The following ZBTB44 variants were observed in gnomAD, a reference collection of about 807,000 sequenced individuals.
The protein encoded by ZBTB44 is zinc finger and BTB domain containing 44.
ZBTB44 carries 15 observed loss-of-function variants against 54.0 expected under a neutral mutation model. That is an observed-to-expected ratio of 0.28 (90% CI 0.19 to 0.43). The LOEUF is 0.43. Ranked by LOEUF, ZBTB44 falls within the 20% of genes least tolerant of loss-of-function variation. ZBTB44 has a pLI of 1.00. For synonymous variants in ZBTB44, 230 were observed against 250.1 expected, an observed-to-expected ratio of 0.92 and a Z score of 0.76; for missense variants, 487 against 707.1, an observed-to-expected ratio of 0.69 and a Z score of 3.53.
intron 1 of ZBTB44, among the ~76,000 whole-genome samples, chr11:130,286,929 A>G (rs1419419999): frequency 6.6e-6 from 1 of 152,216 alleles, no homozygotes; most frequent in African/African-American, 2.4e-5. Flanking sequence ...ATTAACAGAT[A>G]AGCTATCATT....
chr11:130,278,483 T>TGA, intron 1 of ZBTB44, among the ~76,000 whole-genome samples: 1 of 152,328 alleles, frequency 6.6e-6, no homozygotes, highest in South Asian at 2.1e-4. Context: ...TGCCACTATT[T>TGA]GAGTGTTTTT....
chr11:130,281,897 G>A (rs1005782353), intron 1 of ZBTB44, among the ~76,000 whole-genome samples: 2 of 152,134 alleles, frequency 1.3e-5, no homozygotes, highest in East Asian at 1.9e-4. Context: ...GAGCCACCGC[G>A]CCCGGCCTAT....
At chr11:130,237,127 A>G (rs1409422378) in intron 4 of ZBTB44, 34 bp from the exon 5 acceptor site, 1 of 1,455,394 alleles carries the variant, frequency 6.9e-7, no homozygotes, top group South Asian at 1.5e-5. Flanking sequence ...ATCTAAAAAC[A>G]AAAATAAACT....
chr11:130,248,087 CATTAT>C (rs1412761992), intron 2 of ZBTB44, among the ~76,000 whole-genome samples: 2 of 152,126 alleles, frequency 1.3e-5, no homozygotes, highest in Non-Finnish European at 2.9e-5. Context: ...ATACACTAAA[CATTAT>C]ATTTTCTATC....
intron 1 of ZBTB44, among the ~76,000 whole-genome samples, chr11:130,274,848 T>C (rs534573473): frequency 2.0e-5 from 3 of 152,226 alleles, no homozygotes; most frequent in Non-Finnish European, 4.4e-5. Context: ...CTGGCTTTAT[T>C]GTCAGGGTAA....
At chr11:130,267,632 G>A (rs1170902774) in intron 1 of ZBTB44, among the ~76,000 whole-genome samples, 1 of 151,968 alleles carries the variant, frequency 6.6e-6, no homozygotes, top group Non-Finnish European at 1.5e-5. Flanking sequence ...GCCCAGGCTG[G>A]TCTCGAACTC....
At chr11:130,237,153 C>A (rs576936297) in intron 4 of ZBTB44, 60 bp from the exon 5 acceptor site, 1 of 1,380,890 alleles carries the variant, frequency 7.2e-7, no homozygotes, top group African/African-American at 1.5e-5. Context: ...GTCATAAACC[C>A]TACAAATTTC....
At chr11:130,243,234 A>T (rs1023327980) in intron 2 of ZBTB44, among the ~76,000 whole-genome samples, 9 of 149,876 alleles carry the variant, frequency 6.0e-5, no homozygotes, top group African/African-American at 2.2e-4. Flanking sequence ...TAAAAAACAC[A>T]TTTTTTTTTT....
chr11:130,276,122 A>C (rs1940052885), intron 1 of ZBTB44, among the ~76,000 whole-genome samples: 1 of 151,156 alleles, frequency 6.6e-6, no homozygotes, highest in South Asian at 2.1e-4. Context: ...GTGACTGGGG[A>C]AGCTGAGGCA....
chr11:130,276,890 C>T (rs577377951), intron 1 of ZBTB44, among the ~76,000 whole-genome samples: 1 of 152,072 alleles, frequency 6.6e-6, no homozygotes, highest in Non-Finnish European at 1.5e-5. Context: ...CCCTTTTATC[C>T]TTATAAAACG....
At chr11:130,271,457 C>A (rs1283405688) in intron 1 of ZBTB44, among the ~76,000 whole-genome samples, 1 of 152,126 alleles carries the variant, frequency 6.6e-6, no homozygotes, top group African/African-American at 2.4e-5. Flanking sequence ...CGGGGTATGT[C>A]AAAGCTCAAG....
chr11:130,253,958 GA>G (rs1355313535), intron 2 of ZBTB44, among the ~76,000 whole-genome samples: 1 of 152,170 alleles, frequency 6.6e-6, no homozygotes, highest in Admixed American at 6.5e-5. Flanking sequence ...ACAAAAACAA[GA>G]AATGGGGAAA....
chr11:130,311,326 A>G (rs1343318217), intron 1 of ZBTB44, among the ~76,000 whole-genome samples: 1 of 152,022 alleles, frequency 6.6e-6, no homozygotes, highest in Non-Finnish European at 1.5e-5. Context: ...CACCTGCTTC[A>G]GCCTCCTGAG....
chr11:130,297,630 T>C (rs143234955), intron 1 of ZBTB44, among the ~76,000 whole-genome samples: 90 of 152,296 alleles, frequency 5.9e-4, no homozygotes, highest in African/African-American at 2.1e-3. Context: ...GACATGCACA[T>C]AGGGAGGATG....
intron 2 of ZBTB44, among the ~76,000 whole-genome samples, chr11:130,249,999 C>T (rs1937868781): frequency 6.6e-6 from 1 of 152,220 alleles, no homozygotes; most frequent in Non-Finnish European, 1.5e-5. Context: ...CAGAGCCCAG[C>T]AAGCTAAGAA....
intron 1 of ZBTB44, among the ~76,000 whole-genome samples, chr11:130,292,832 T>G (rs924991251): frequency 6.6e-6 from 1 of 152,098 alleles, no homozygotes; most frequent in African/African-American, 2.4e-5. Flanking sequence ...CTAGTGAAAA[T>G]TACAACTCAC....
intron 1 of ZBTB44, among the ~76,000 whole-genome samples, chr11:130,311,480 A>G (rs1001001102): frequency 6.6e-6 from 1 of 152,146 alleles, no homozygotes; most frequent in Non-Finnish European, 1.5e-5. Context: ...ACGTCCTGGG[A>G]TTACAGGCAT....
chr11:130,297,616 G>A (rs544118986), intron 1 of ZBTB44, among the ~76,000 whole-genome samples: 4 of 152,180 alleles, frequency 2.6e-5, no homozygotes, highest in Non-Finnish European at 5.9e-5. Flanking sequence ...GACATTTGTA[G>A]ACAGACATGC....
chr11:130,302,089 T>C (rs1721660553), intron 1 of ZBTB44, among the ~76,000 whole-genome samples: 1 of 152,072 alleles, frequency 6.6e-6, no homozygotes, highest in South Asian at 2.1e-4. Flanking sequence ...CATTAGTTTA[T>C]AGTTAATACT....
Sources: gnomAD v4.1 joint callset for allele counts (sites outside exome capture counted in the v4.1 genomes callset) on GRCh38, gnomAD v4.1.1 for gene constraint, MANE v1.5 for transcripts, NCBI Gene and HGNC (gene_info 2026-07-23, HGNC 2026-07-21) for gene names.